Variants in NUP210 observed in about 807,000 individuals in gnomAD.
NUP210 encodes nucleoporin 210.
In NUP210, 151 loss-of-function variants were observed where a neutral mutation model predicts 196.0. That is an observed-to-expected ratio of 0.77 (90% CI 0.67 to 0.88). The LOEUF (loss-of-function observed/expected upper bound fraction) is 0.88, where lower values mean the gene tolerates loss of function less well. NUP210 is among the 40% of genes least tolerant of loss of function. The pLI is 0.00. For missense variants in NUP210, 2,314 were observed against 2,493.7 expected (o/e 0.93, Z 1.53); for synonymous variants, 1,070 against 1,052.7 (o/e 1.02, Z -0.32).
chr3:13,361,355 C>A (rs1256830935), intron 14 of NUP210, among the ~76,000 whole-genome samples: 1 of 152,226 alleles, frequency 6.6e-6, no homozygotes, highest in African/African-American at 2.4e-5. Context: ...GTATTTCACA[C>A]AAAGCTCTCA....
rs775153644 is a variant in NUP210, at chr3:13,317,442, A to G, written c.*239T>C. On this transcript the variant is annotated 3_prime_UTR_variant, in exon 40 of 40. Transcript: ENST00000254508. ...ACCATGCAAAAAGGAATGAGCCAAA[A>G]AGTCTTAGCTTTGTAAGACTTGAAA... The G allele has an allele frequency of 1.5e-5, 8 of 536,500 alleles. No individual in the cohort carries two copies. Among genetic ancestry groups the G allele is most frequent in the Non-Finnish European group, 2.7e-5 (8 of 300,552 alleles). The allele number at this position is 536,500 out of a possible 1,614,324, so 33.2% of individuals were successfully genotyped here.
chr3:13,332,743 ATG>A (rs976376076), intron 28 of NUP210, among the ~76,000 whole-genome samples: 3 of 33,058 alleles, frequency 9.1e-5, no homozygotes, highest in African/African-American at 3.6e-4. Flanking sequence ...ACACACACAC[ATG>A]GCCAAAGATA....
intron 3 of NUP210, 102 bp downstream of exon 3, chr3:13,397,255 G>A (rs369327031): frequency 2.1e-6 from 3 of 1,408,716 alleles, no homozygotes; most frequent in Non-Finnish European, 9.5e-7. Context: ...GACCTGCAGG[G>A]TTGGATGCCA....
intron 4 of NUP210, among the ~76,000 whole-genome samples, chr3:13,390,388 G>T (rs1531739): frequency 0.62 from 93,834 of 152,022 alleles, 30,524 homozygotes; most frequent in African/African-American, 0.84. Flanking sequence ...TGGCAAATCA[G>T]GAGGAAGGCG....
rs149314386 is a variant in NUP210 at position 13,373,850 on chromosome 3, G to A, written c.1455C>T (p.Phe485=). 5 of 1,613,822 alleles carry A rather than the reference G, an allele frequency of 3.1e-6. No homozygotes were observed. Among genetic ancestry groups the A allele is most frequent in the Middle Eastern group, 1.7e-4 (1 of 6,060 alleles). The change falls in exon 12 of 40, where the codon TTC becomes TTT. Residue 485 remains phenylalanine (F), a synonymous_variant. Transcript: ENST00000254508. ...CCAGGTGGCTTGACGAAGACCAGCT[G>A]AAGTTCCCACTGCCACCGTGGGCCT... is the stretch of plus-strand genomic sequence containing the variant. ...TIRAHGGSGN[F]SWSSSSHLVA...
At chr3:13,419,996 A>G in intron 1 of NUP210, 64 bp downstream of exon 1, 1 of 1,059,548 alleles carries the variant, frequency 9.4e-7, no homozygotes, top group Non-Finnish European at 1.2e-6. Context: ...GCGCCCGCCC[A>G]GCCTCTCAGC....
At chr3:13,367,742 G>C (rs1471387863) in intron 13 of NUP210, among the ~76,000 whole-genome samples, 1 of 152,196 alleles carries the variant, frequency 6.6e-6, no homozygotes, top group Non-Finnish European at 1.5e-5. Flanking sequence ...GTCACACCGT[G>C]AAGATCCTTT....
Position 13,330,525 on chromosome 3 carries a change from A to C in NUP210, c.4045T>G (p.Ser1349Ala), listed in dbSNP as rs1171348512. The C allele has an allele frequency of 6.2e-7, 1 of 1,614,240 alleles. No homozygotes were observed. The highest frequency in any genetic ancestry group is 8.5e-7 in the Non-Finnish European group (1 of 1,180,038). ...FLASGSMIGTSTIEVIAQEPF... is the reference protein window; with the variant it reads ...FLASGSMIGTATIEVIAQEPF... ...TCTTGTGCAATCACTTCGATGGTGGATGTCCCGATCATAGACCCTGATGCT... is the reference window on the plus strand; with the variant it reads ...TCTTGTGCAATCACTTCGATGGTGGCTGTCCCGATCATAGACCCTGATGCT... The change falls in exon 30 of 40, where the codon TCC becomes GCC. Residue 1349 changes from serine (S) to alanine (A), a missense_variant. By Grantham distance (99) the Ser-to-Ala change is moderately conservative (BLOSUM62 1). Coordinates refer to ENST00000254508, the MANE Select transcript of NUP210 (RefSeq NM_024923.4).
intron 20 of NUP210, among the ~76,000 whole-genome samples, chr3:13,346,309 C>G (rs957882047): frequency 6.6e-6 from 1 of 152,216 alleles, no homozygotes; most frequent in Non-Finnish European, 1.5e-5. Context: ...AGACCCTGCA[C>G]CCACTCCTAA....
intron 1 of NUP210, among the ~76,000 whole-genome samples, chr3:13,409,835 TACTAA>T (rs1476248727): frequency 8.9e-6 from 1 of 112,346 alleles, no homozygotes; most frequent in African/African-American, 4.6e-5. Flanking sequence ...GTATCCTGAA[TACTAA>T]TTTTTTTTTT....
chr3:13,362,255 T>C (rs1440818690), intron 14 of NUP210, among the ~76,000 whole-genome samples: 1 of 152,228 alleles, frequency 6.6e-6, no homozygotes, highest in African/African-American at 2.4e-5. Context: ...AGGGTCATGC[T>C]AGCTCTCTGG....
intron 9 of NUP210, 102 bp from the exon 10 acceptor site, chr3:13,376,533 G>A (rs1257052518): frequency 7.2e-7 from 1 of 1,389,568 alleles, no homozygotes; most frequent in South Asian, 1.3e-5. Context: ...AGCCAGGCCA[G>A]GCCAAGGGGC....
chr3:13,345,018 G>C (rs1164141656), intron 20 of NUP210: 1 of 985,302 alleles, frequency 1.0e-6, no homozygotes, highest in Non-Finnish European at 1.2e-6. Context: ...CAGTGCACTT[G>C]GCCTTCCCCT....
intron 20 of NUP210, among the ~76,000 whole-genome samples, chr3:13,346,747 T>C (rs1299001663): frequency 3.3e-5 from 5 of 152,204 alleles, no homozygotes; most frequent in African/African-American, 4.8e-5. Context: ...TATTTTTGAA[T>C]GTCACTGGAG....
Position 13,412,226 on chromosome 3 carries a change from C to CTTTTCTT in NUP210, c.167+7827_167+7833dup, listed in dbSNP as rs1559351670. On this transcript the variant is annotated intron_variant, in intron 1 of 39. Coordinates refer to ENST00000254508, the MANE Select transcript of NUP210 (RefSeq NM_024923.4). ...CTGTGCCACACCCAGCTTTATTTTC[C>CTTTTCTT]TTTTCTTTTTTTTTTTTTTTTAGTA... Among the ~76,000 whole-genome samples, 6 of 70,894 alleles carry CTTTTCTT rather than the reference C, an allele frequency of 8.5e-5. 1 individual carries two copies. Among genetic ancestry groups the CTTTTCTT allele is most frequent in the African/African-American group, 1.9e-4 (2 of 10,322 alleles). 46.5% of individuals were successfully genotyped at this position (70,894 alleles called of 152,430 possible). A position where few individuals can be genotyped will look rare whatever the true frequency, so the allele number is the denominator to read the frequency against.
chr3:13,416,063 C>A (rs575268917), intron 1 of NUP210, among the ~76,000 whole-genome samples: 1 of 152,180 alleles, frequency 6.6e-6, no homozygotes, highest in African/African-American at 2.4e-5. Context: ...CCAAGCTCCA[C>A]GGCATAGGGA....
In NUP210 at chr3:13,319,091, G is replaced by T; in HGVS notation, c.5544C>A (p.Ser1848Arg). Residue 1848 changes from serine to arginine, a missense_variant, in exon 39 of 40, where the codon AGC becomes AGA. Physicochemically the swap from Ser to Arg is moderately radical, Grantham distance 110. Coordinates refer to ENST00000254508, the MANE Select transcript of NUP210 (RefSeq NM_024923.4). ...ACTCACAGTGGGGGCTGTGTCCAGG[G>T]CTGGCTCGAGGCGTGAGGGCTGCAG... ...AVPAALTPRASPGHSPHYFAA... is the reference protein window; with the variant it reads ...AVPAALTPRARPGHSPHYFAA... The T allele has an allele frequency of 6.2e-7, 1 of 1,606,406 alleles. No individual in the cohort carries two copies. Among genetic ancestry groups the T allele is most frequent in the Non-Finnish European group, 8.5e-7 (1 of 1,177,348 alleles).
chr3:13,384,343 G>T (rs2124927843), intron 6 of NUP210, among the ~76,000 whole-genome samples: 2 of 152,346 alleles, frequency 1.3e-5, no homozygotes, highest in South Asian at 4.1e-4. Flanking sequence ...TCCTACAGGG[G>T]TGATTAAGGC....
Position 13,325,680 on chromosome 3 carries a change from C to T in NUP210, c.4644+115G>A. ...AGTCCCAGACTCATGACTCCCAGAC[C>T]CAACCCCTCAGACGGCTTTTCCCTA... On this transcript the variant is annotated intron_variant, in intron 33 of 39. Transcript: ENST00000254508. The T allele has an allele frequency of 3.9e-6, 5 of 1,280,514 alleles. No individual in the cohort carries two copies. In the African/African-American group the frequency reaches 5.9e-5, roughly 15 times the overall value. 79.3% of individuals were successfully genotyped at this position (1,280,514 alleles called of 1,614,324 possible).
Sources: gnomAD v4.1 joint callset for allele counts (sites outside exome capture counted in the v4.1 genomes callset) on GRCh38, gnomAD v4.1.1 for gene constraint, MANE v1.5 for transcripts, NCBI Gene and HGNC (gene_info 2026-07-23, HGNC 2026-07-21) for gene names.